The following PITPNM3 variants were observed in gnomAD, a reference collection of about 807,000 sequenced individuals.
PITPNM3 encodes the protein membrane-associated phosphatidylinositol transfer protein 3.
A neutral mutation model predicts 102.0 loss-of-function variants in PITPNM3; 26 were observed. The observed-to-expected ratio is 0.25, with a 90% CI of 0.19 to 0.35. PITPNM3 has a LOEUF of 0.35. Among genes scored for constraint, PITPNM3 ranks in the 10% least tolerant of loss-of-function variants. The pLI is 1.00. For missense variants in PITPNM3, 1,083 were observed against 1,346.1 expected, an observed-to-expected ratio of 0.80 and a Z score of 3.06; for synonymous variants, 578 against 558.6, an observed-to-expected ratio of 1.03 and a Z score of -0.49.
At chr17:6,482,205 A>G (rs573736913) in intron 6 of PITPNM3, among the ~76,000 whole-genome samples, 1 of 151,996 alleles carries the variant, frequency 6.6e-6, no homozygotes, top group Non-Finnish European at 1.5e-5. Context: ...AGGAGGAAGG[A>G]ATGCTGCAGA....
Position 6,537,855 on chromosome 17 carries a change from G to C in PITPNM3, c.118+132C>G. 1.3e-6 allele frequency: 1 copy of C among 789,636 alleles called. No individual in the cohort carries two copies. The allele number at this position is 789,636 out of a possible 1,614,324, so 48.9% of individuals were successfully genotyped here. ...CTGCTCTTGGCACATCCACAGGATGGGTAAGTATGGAGTGTGGAGCTGCAG... is the reference window on the plus strand; with the variant it reads ...CTGCTCTTGGCACATCCACAGGATGCGTAAGTATGGAGTGTGGAGCTGCAG... On this transcript the variant is annotated intron_variant, in intron 2 of 19. Coordinates refer to ENST00000262483, the MANE Select transcript of PITPNM3 (RefSeq NM_031220.4). The surrounding 1 kb of genome is among the most constrained non-coding windows in gnomAD (Gnocchi z 4.4).
At position 6,472,528 on chromosome 17, in the gene PITPNM3, C is replaced by A; in HGVS notation, c.1429+129G>T. ...TGGGCGACTCTGAAGACAGAGGAGT[C>A]GGCTAACCTTCTGTTCTCACAGCCC... On this transcript the variant is annotated intron_variant, in intron 11 of 19. Transcript: ENST00000262483. The surrounding 1 kb of genome is among the most constrained non-coding windows in gnomAD (Gnocchi z 4.1). The A allele has an allele frequency of 7.8e-7, 1 of 1,276,422 alleles. No homozygotes were observed. Among genetic ancestry groups the A allele is most frequent in the Admixed American group, 2.1e-5 (1 of 47,474 alleles). 79.1% of individuals were successfully genotyped at this position (1,276,422 alleles called of 1,614,324 possible). A position where few individuals can be genotyped will look rare whatever the true frequency, so the allele number is the denominator to read the frequency against.
intron 2 of PITPNM3, among the ~76,000 whole-genome samples, chr17:6,525,779 A>G (rs1488254051): frequency 6.6e-6 from 1 of 152,238 alleles, no homozygotes; most frequent in Non-Finnish European, 1.5e-5. Context: ...GTGTTTGGGA[A>G]GAAAGAGCAA....
intron 4 of PITPNM3, among the ~76,000 whole-genome samples, chr17:6,487,502 CTCCCTGA>C (rs1286965906): frequency 6.6e-6 from 1 of 152,198 alleles, no homozygotes; most frequent in African/African-American, 2.4e-5. Flanking sequence ...TGCCAAGTCC[CTCCCTGA>C]GCCCTGGCAT....
rs1324070392 is a variant in PITPNM3 at position 6,459,455 on chromosome 17, CCCGTCTCATGGCTCCACTGAT to C, written c.2491-1754_2491-1734del. The stretch of plus-strand genomic sequence containing the variant: ...CACAGCCTCTTCTAACGCCTCATCT[CCCGTCTCATGGCTCCACTGAT>C]CCGTCTCATGCATCTGTTTCCCAGT... On this transcript the variant is annotated intron_variant, in intron 18 of 19. Coordinates refer to ENST00000262483, the MANE Select transcript of PITPNM3 (RefSeq NM_031220.4). This position sits in a 1 kb window ranked among gnomAD's most constrained non-coding sequence, Gnocchi z 5.0. 4.6e-5 allele frequency among the ~76,000 whole-genome samples: 7 copies of C among 152,052 alleles called. No homozygotes were observed. The highest frequency in any genetic ancestry group is 1.5e-4 in the African/African-American group (6 of 41,376).
intron 4 of PITPNM3, among the ~76,000 whole-genome samples, chr17:6,490,069 T>C (rs8077204): frequency 0.056 from 8,540 of 152,170 alleles, 791 homozygotes; most frequent in African/African-American, 0.2. Flanking sequence ...ACCCTGGCCC[T>C]GCCTGGAAGT....
intron 3 of PITPNM3, among the ~76,000 whole-genome samples, chr17:6,524,577 T>C (rs77283791): frequency 0.052 from 7,915 of 152,246 alleles, 436 homozygotes; most frequent in East Asian, 0.16. Flanking sequence ...ATTGCTTCAC[T>C]GTCAGGAGCC....
intron 2 of PITPNM3, among the ~76,000 whole-genome samples, 171 bp from the exon 3 acceptor site, chr17:6,525,634 T>A (rs1412168406): frequency 1.3e-5 from 2 of 152,118 alleles, no homozygotes; most frequent in South Asian, 4.2e-4. Flanking sequence ...CTTGCAGAGA[T>A]TTATCATTGA....
chr17:6,533,302 A>G (rs558183624), intron 2 of PITPNM3, among the ~76,000 whole-genome samples: 1 of 152,208 alleles, frequency 6.6e-6, no homozygotes, highest in African/African-American at 2.4e-5. Flanking sequence ...ATAAGTAGGT[A>G]TTGGTATCTC....
At position 6,472,519 on chromosome 17, in the gene PITPNM3, CAG is replaced by C; in HGVS notation, c.1429+136_1429+137del. On this transcript the variant is annotated intron_variant, in intron 11 of 19. Coordinates refer to ENST00000262483, the MANE Select transcript of PITPNM3 (RefSeq NM_031220.4). The surrounding 1 kb of genome is among the most constrained non-coding windows in gnomAD (Gnocchi z 4.1). ...TAGCACAGGTGGGCGACTCTGAAGA[CAG>C]AGGAGTCGGCTAACCTTCTGTTCTC... The C allele has an allele frequency of 8.2e-7, 1 of 1,226,402 alleles. No individual in the cohort carries two copies. Among genetic ancestry groups the C allele is most frequent in the Non-Finnish European group, 1.1e-6 (1 of 871,300 alleles). The allele number at this position is 1,226,402 out of a possible 1,614,324, so 76.0% of individuals were successfully genotyped here.
intron 6 of PITPNM3, chr17:6,480,954 G>C: frequency 6.6e-6 from 1 of 152,328 alleles, no homozygotes; most frequent in South Asian, 2.1e-4. Context: ...GCCCACAGTG[G>C]GCAAGGATGT....
Position 6,452,942 on chromosome 17 carries a change from A to AGC in PITPNM3, c.*2394_*2395dup, listed in dbSNP as rs1265063537. On this transcript the variant is annotated 3_prime_UTR_variant, in exon 20 of 20. Coordinates refer to ENST00000262483, the MANE Select transcript of PITPNM3 (RefSeq NM_031220.4). ...AATTCCCCAGGGATCCTGGCTCATGAGCTCTCTCTCTCTCTTCCTCTCTCT... is the reference window on the plus strand; with the variant it reads ...AATTCCCCAGGGATCCTGGCTCATGAGCGCTCTCTCTCTCTCTTCCTCTCTCT... The AGC allele has an allele frequency of 6.8e-6, 1 of 147,742 alleles. No individual in the cohort carries two copies. Among genetic ancestry groups the AGC allele is most frequent in the Non-Finnish European group, 1.5e-5 (1 of 67,028 alleles). The allele number at this position is 147,742 out of a possible 1,614,324, so 9.2% of individuals were successfully genotyped here.
chr17:6,466,862 T>C (rs1003734959), intron 14 of PITPNM3, among the ~76,000 whole-genome samples: 1 of 152,000 alleles, frequency 6.6e-6, no homozygotes, highest in African/African-American at 2.4e-5. Flanking sequence ...CTGGCCAACA[T>C]GGCGAAACTC....
chr17:6,552,849 C>T (rs1270214363), intron 1 of PITPNM3, among the ~76,000 whole-genome samples: 3 of 147,436 alleles, frequency 2.0e-5, no homozygotes, highest in African/African-American at 7.5e-5. Context: ...TCACTGCAAG[C>T]TCTGACTCCT....
At chr17:6,527,736 C>T (rs1908912801) in intron 2 of PITPNM3, among the ~76,000 whole-genome samples, 1 of 152,222 alleles carries the variant, frequency 6.6e-6, no homozygotes, top group Non-Finnish European at 1.5e-5. Context: ...CAGGGTGAGA[C>T]ACAACCTCCC....
intron 3 of PITPNM3, among the ~76,000 whole-genome samples, chr17:6,516,134 C>A (rs1265667485): frequency 6.6e-6 from 1 of 152,108 alleles, no homozygotes; most frequent in Non-Finnish European, 1.5e-5. Context: ...AGCTGACCTG[C>A]AGAATGGAGA....
At chr17:6,461,258 G>T in intron 18 of PITPNM3, 115 bp downstream of exon 18, 2 of 1,280,204 alleles carry the variant, frequency 1.6e-6, no homozygotes, top group South Asian at 2.4e-5. Flanking sequence ...CACGGGAATG[G>T]GATTTACAGA....
chr17:6,477,248 A>C, intron 8 of PITPNM3, 35 bp from the exon 9 acceptor site: 1 of 1,604,196 alleles, frequency 6.2e-7, no homozygotes, highest in Non-Finnish European at 8.5e-7. Context: ...AGAGAAAAAG[A>C]CTGTTGTCAC....
Position 6,458,913 on chromosome 17 carries a change from C to T in PITPNM3, c.2491-1191G>A, listed in dbSNP as rs1220664023. Among the ~76,000 whole-genome samples, 1 of 152,124 alleles carries T rather than the reference C, an allele frequency of 6.6e-6. No homozygotes were observed. The highest frequency in any genetic ancestry group is 1.5e-5 in the Non-Finnish European group (1 of 68,028). ...CCACGCAGCTCTCACCTTCCATCTT[C>T]TTCCTGTCCTTCCCTGAGCCCTACC... On this transcript the variant is annotated intron_variant, in intron 18 of 19. Coordinates refer to ENST00000262483, the MANE Select transcript of PITPNM3 (RefSeq NM_031220.4). This position sits in a 1 kb window ranked among gnomAD's most constrained non-coding sequence, Gnocchi z 5.1.
Sources: gnomAD v4.1 joint callset for allele counts (sites outside exome capture counted in the v4.1 genomes callset) on GRCh38, gnomAD v4.1.1 for gene constraint, Gnocchi (gnomAD v3.1) non-coding constraint, MANE v1.5 for transcripts, NCBI Gene and HGNC (gene_info 2026-07-23, HGNC 2026-07-21) for gene names.